DIS3L2: variants seen among roughly 807,000 people sequenced by gnomAD.
The protein encoded by DIS3L2 is DIS3 like 3'-5' exoribonuclease 2.
In DIS3L2, 34 loss-of-function variants were observed where a neutral mutation model predicts 97.5. The observed-to-expected ratio is 0.35, with a 90% confidence interval of 0.27 to 0.46. The LOEUF (loss-of-function observed/expected upper bound fraction) is 0.46, where lower values mean the gene tolerates loss of function less well. DIS3L2 is among the 20% of genes least tolerant of loss of function. The pLI, the probability that DIS3L2 is intolerant of heterozygous loss-of-function variation, is 1.00. For missense variants in DIS3L2, 1,038 were observed against 1,146.0 expected (o/e 0.91, Z 1.36); for synonymous variants, 435 against 445.2 (o/e 0.98, Z 0.29).
At chr2:232,170,631 G>A (rs191104741) in intron 9 of DIS3L2, among the ~76,000 whole-genome samples, 6 of 151,950 alleles carry the variant, frequency 3.9e-5, no homozygotes, top group African/African-American at 7.2e-5. Context: ...ATTTAATGTC[G>A]TCCTGCCAAC....
chr2:232,316,411 C>T (rs1695277208), intron 14 of DIS3L2, among the ~76,000 whole-genome samples: 1 of 152,032 alleles, frequency 6.6e-6, no homozygotes, highest in Admixed American at 6.6e-5. Flanking sequence ...TTTGCTGGGG[C>T]CCTGCCCTGT....
chr2:232,213,900 T>A (rs1410546682), intron 10 of DIS3L2, among the ~76,000 whole-genome samples: 2 of 152,068 alleles, frequency 1.3e-5, no homozygotes, highest in Admixed American at 1.3e-4. Context: ...TAGATCATAA[T>A]TAGGTTGCAG....
At chr2:232,016,325 C>T (rs1244936655) in intron 3 of DIS3L2, among the ~76,000 whole-genome samples, 1 of 152,176 alleles carries the variant, frequency 6.6e-6, no homozygotes, top group Non-Finnish European at 1.5e-5. Flanking sequence ...GTGCCTTTGA[C>T]ATGGAGGTAG....
chr2:232,296,821 C>T (rs927470287), intron 13 of DIS3L2, among the ~76,000 whole-genome samples: 1 of 152,118 alleles, frequency 6.6e-6, no homozygotes, highest in Non-Finnish European at 1.5e-5. Context: ...AAATGTGAGT[C>T]CTCCATTTAG....
At chr2:232,135,463 A>C (rs1698330077) in intron 7 of DIS3L2, among the ~76,000 whole-genome samples, 1 of 152,132 alleles carries the variant, frequency 6.6e-6, no homozygotes, top group African/African-American at 2.4e-5. Context: ...CATGCAAGGG[A>C]GTGGCGAAGG....
intron 6 of DIS3L2, among the ~76,000 whole-genome samples, chr2:232,088,054 A>C (rs1212552536): frequency 6.6e-6 from 1 of 152,250 alleles, no homozygotes; most frequent in Non-Finnish European, 1.5e-5. Context: ...TGTAAAATTC[A>C]TATGAAAAAT....
chr2:232,039,671 C>T (rs941544606), intron 5 of DIS3L2, among the ~76,000 whole-genome samples: 1 of 152,130 alleles, frequency 6.6e-6, no homozygotes, highest in African/African-American at 2.4e-5. Context: ...CTTTTTATTA[C>T]AGACATCTAA....
intron 1 of DIS3L2, among the ~76,000 whole-genome samples, chr2:232,005,819 CTT>C (rs1453405343): frequency 6.6e-6 from 1 of 152,164 alleles, no homozygotes; most frequent in African/African-American, 2.4e-5. Context: ...TATTGAAAAA[CTT>C]ATAGTAAGAG....
intron 4 of DIS3L2, 120 bp from the exon 5 acceptor site, chr2:232,029,859 G>T: frequency 1.4e-6 from 1 of 697,872 alleles, no homozygotes; most frequent in Non-Finnish European, 2.4e-6. Flanking sequence ...TATTTAATAC[G>T]AAAAAGGATA....
chr2:232,197,732 G>C (rs911997418), intron 9 of DIS3L2, among the ~76,000 whole-genome samples: 5 of 152,112 alleles, frequency 3.3e-5, no homozygotes, highest in Non-Finnish European at 7.4e-5. Flanking sequence ...ACTTTGGGAG[G>C]CTGAGGCAGG....
In DIS3L2 at chr2:232,095,345, ATCAG is replaced by A. The variant is rs542373866; in HGVS notation, c.601+7626_601+7629del. Among the ~76,000 whole-genome samples the A allele has an allele frequency of 1.9e-3, 294 of 152,278 alleles. 2 individuals are homozygous for A. The highest frequency in any genetic ancestry group is 6.8e-3 in the African/African-American group (282 of 41,560). On this transcript the variant is annotated intron_variant, in intron 6 of 20. Transcript: ENST00000325385. ...GTATGTTTTTTGATTTGAGGTTACA[ATCAG>A]TATTACAGATGCTATCCTTTAACCC... is the stretch of plus-strand genomic sequence containing the variant.
At chr2:232,211,534 G>A (rs1292283542) in intron 10 of DIS3L2, among the ~76,000 whole-genome samples, 3 of 152,218 alleles carry the variant, frequency 2.0e-5, no homozygotes, top group Non-Finnish European at 2.9e-5. Flanking sequence ...CTGGGTGACT[G>A]CTTTGGCTTT....
At chr2:232,124,600 G>A (rs1377783082) in intron 6 of DIS3L2, among the ~76,000 whole-genome samples, 1 of 152,156 alleles carries the variant, frequency 6.6e-6, no homozygotes, top group Non-Finnish European at 1.5e-5. Flanking sequence ...AGAGAACAGA[G>A]TGAGAAGGTT....
intron 1 of DIS3L2, among the ~76,000 whole-genome samples, chr2:231,969,425 C>T (rs1692829114): frequency 6.6e-6 from 1 of 151,632 alleles, no homozygotes; most frequent in Non-Finnish European, 1.5e-5. Flanking sequence ...ATTCTTCTGC[C>T]TCAGCCTCCT....
At chr2:232,071,918 G>A (rs1696032096) in intron 5 of DIS3L2, among the ~76,000 whole-genome samples, 1 of 152,184 alleles carries the variant, frequency 6.6e-6, no homozygotes, top group African/African-American at 2.4e-5. Context: ...TATTTCTGGA[G>A]ATTTGTAGGG....
At position 232,263,228 on chromosome 2, in the gene DIS3L2, C is replaced by T. The variant is rs186865544; in HGVS notation, c.1447C>T (p.Arg483Trp). The T allele has an allele frequency of 1.1e-5, 17 of 1,614,148 alleles. No homozygotes were observed. The highest frequency in any genetic ancestry group is 1.0e-4 in the Admixed American group (6 of 60,032). ...GCAGATCCTTGATGAATGGTTTGGC[C>T]GGACCATCATCCGCTCCTGCACCAA... Reference protein sequence around the residue: ...EGKILDEWFGRTIIRSCTKLS... With the variant: ...EGKILDEWFGWTIIRSCTKLS... The change falls in exon 13 of 21, where the codon CGG becomes TGG. Residue 483 changes from arginine to tryptophan, a missense_variant. This residue lies in a region of DIS3L2 where 813 missense variants were observed against 880.1 expected (regional missense o/e 0.92). Transcript: ENST00000325385.
intron 6 of DIS3L2, among the ~76,000 whole-genome samples, chr2:232,115,971 A>G (rs1697693482): frequency 6.6e-6 from 1 of 152,154 alleles, no homozygotes; most frequent in Admixed American, 6.5e-5. Flanking sequence ...CAGGAGCACA[A>G]GACCAGCCTG....
intron 3 of DIS3L2, among the ~76,000 whole-genome samples, chr2:232,023,395 G>A (rs1694574103): frequency 6.6e-6 from 1 of 152,160 alleles, no homozygotes; most frequent in South Asian, 2.1e-4. Flanking sequence ...TGCCTGTTTT[G>A]TTAATTATGT....
At chr2:232,184,167 A>G (rs1414069037) in intron 9 of DIS3L2, among the ~76,000 whole-genome samples, 1 of 152,222 alleles carries the variant, frequency 6.6e-6, no homozygotes, top group African/African-American at 2.4e-5. Context: ...AGTTTTGTCC[A>G]GTGTTGTTGT....
Sources: gnomAD v4.1 joint callset for allele counts (sites outside exome capture counted in the v4.1 genomes callset) on GRCh38, gnomAD v4.1.1 for gene constraint, gnomAD v4.1.1 regional missense constraint, MANE v1.5 for transcripts, NCBI Gene and HGNC (gene_info 2026-07-23, HGNC 2026-07-21) for gene names.